The following SHLD2 variants were observed in gnomAD, a reference collection of about 807,000 sequenced individuals.
SHLD2 encodes RINN1-REV7-interacting novel NHEJ regulator 2.
Under a neutral mutation model 73.2 loss-of-function variants are expected in SHLD2, and 30 were observed. The ratio of observed to expected loss-of-function variants is 0.41; its 90% CI spans 0.31 to 0.56. The LOEUF (loss-of-function observed/expected upper bound fraction) is 0.56, where lower values mean the gene tolerates loss of function less well. SHLD2 is among the 20% of genes least tolerant of loss of function. The pLI, the probability that SHLD2 is intolerant of heterozygous loss-of-function variation, is 0.28. For synonymous variants in SHLD2, 285 were observed against 370.1 expected (o/e 0.77, Z 2.64); for missense variants, 745 against 1,055.9 (o/e 0.71, Z 4.08).
intron 2 of SHLD2, among the ~76,000 whole-genome samples, chr10:87,124,746 GTTTT>G (rs201784628): frequency 7.7e-6 from 1 of 129,526 alleles, no homozygotes; most frequent in African/African-American, 2.8e-5. Context: ...TAAAAAAATT[GTTTT>G]TTTTTTTTTT....
At chr10:87,132,482 A>G (rs954798157) in intron 2 of SHLD2, among the ~76,000 whole-genome samples, 2 of 152,216 alleles carry the variant, frequency 1.3e-5, no homozygotes, top group African/African-American at 4.8e-5. Flanking sequence ...TTAATATTAA[A>G]GATTATATTT....
chr10:87,108,482 C>A lies in SHLD2; in HGVS notation c.-6+11493C>A, dbSNP rs186695627. Among the ~76,000 whole-genome samples, 45 of 152,264 alleles carry A rather than the reference C, an allele frequency of 3.0e-4. No homozygotes were observed. The East Asian group carries it at 5.0e-3, about 17-fold the overall frequency. On this transcript the variant is annotated intron_variant, in intron 2 of 9. Coordinates refer to ENST00000298786, the MANE Select transcript of SHLD2 (RefSeq NM_001330112.2). The stretch of plus-strand genomic sequence containing the variant: ...GATTACAGGCTTGAGCCACCATGCC[C>A]AGCCTAGAGATGAGGTCTTGCTATG...
intron 6 of SHLD2, among the ~76,000 whole-genome samples, chr10:87,173,764 T>C (rs1847768958): frequency 6.6e-6 from 1 of 152,000 alleles, no homozygotes; most frequent in African/African-American, 2.4e-5. Context: ...GAAAAAAAAT[T>C]ACATTGTCAG....
At chr10:87,122,000 A>G (rs1230761561) in intron 2 of SHLD2, among the ~76,000 whole-genome samples, 2 of 151,864 alleles carry the variant, frequency 1.3e-5, no homozygotes, top group African/African-American at 2.4e-5. Flanking sequence ...CCTGACCTAC[A>G]GTGATCCGCC....
chr10:87,186,095 C>T (rs1242888569), intron 8 of SHLD2, among the ~76,000 whole-genome samples: 1 of 152,036 alleles, frequency 6.6e-6, no homozygotes, highest in African/African-American at 2.4e-5. Context: ...CCAGCACTTA[C>T]CACAGTCCAT....
chr10:87,139,782 G>T (rs1845050123), intron 2 of SHLD2, among the ~76,000 whole-genome samples: 1 of 152,136 alleles, frequency 6.6e-6, no homozygotes, highest in Non-Finnish European at 1.5e-5. Flanking sequence ...CTGAGAACAT[G>T]CCACTGTACT....
chr10:87,140,432 AAAAG>A (rs1344574263), intron 2 of SHLD2, among the ~76,000 whole-genome samples: 1 of 151,584 alleles, frequency 6.6e-6, no homozygotes, highest in Middle Eastern at 3.4e-3. Context: ...AAAAAAAAAA[AAAAG>A]AAAAAAATAA....
intron 2 of SHLD2, among the ~76,000 whole-genome samples, chr10:87,147,663 G>A (rs1263215485): frequency 6.6e-6 from 1 of 151,146 alleles, no homozygotes; most frequent in Non-Finnish European, 1.5e-5. Context: ...CCCTATTTTG[G>A]GGTGGGGAAT....
intron 2 of SHLD2, among the ~76,000 whole-genome samples, chr10:87,097,734 T>C (rs1337725400): frequency 6.6e-6 from 1 of 152,038 alleles, no homozygotes; most frequent in East Asian, 1.9e-4. Context: ...AAAACAGATG[T>C]TTTTATTTTT....
intron 8 of SHLD2, among the ~76,000 whole-genome samples, chr10:87,186,286 A>G (rs1176135041): frequency 2.0e-5 from 3 of 152,164 alleles, no homozygotes; most frequent in East Asian, 1.9e-4. Flanking sequence ...TTCCCCCGCT[A>G]ATGAGCCTGT....
chr10:87,148,394 A>G (rs1331818820), intron 2 of SHLD2, among the ~76,000 whole-genome samples: 1 of 152,216 alleles, frequency 6.6e-6, no homozygotes, highest in African/African-American at 2.4e-5. Context: ...AGGGATTGAT[A>G]AACAGTTTCA....
At chr10:87,158,565 T>C (rs1206802014) in intron 4 of SHLD2, among the ~76,000 whole-genome samples, 1 of 152,136 alleles carries the variant, frequency 6.6e-6, no homozygotes, top group Non-Finnish European at 1.5e-5. Flanking sequence ...TGATTAAGAA[T>C]CCTTGAGGTA....
chr10:87,107,492 G>A (rs1443141897), intron 2 of SHLD2, among the ~76,000 whole-genome samples: 1 of 152,218 alleles, frequency 6.6e-6, no homozygotes, highest in African/African-American at 2.4e-5. Flanking sequence ...TATATAGGGT[G>A]TTCAGAGAAG....
intron 2 of SHLD2, among the ~76,000 whole-genome samples, chr10:87,140,761 G>GA (rs2134224711): frequency 6.6e-6 from 1 of 151,942 alleles, no homozygotes; most frequent in South Asian, 2.1e-4. Flanking sequence ...TGGAGTTTGA[G>GA]ACCAGCCTGG....
At chr10:87,169,128 A>C (rs1847410074) in intron 4 of SHLD2, among the ~76,000 whole-genome samples, 1 of 152,206 alleles carries the variant, frequency 6.6e-6, no homozygotes, top group African/African-American at 2.4e-5. Flanking sequence ...TTTATGAATC[A>C]GGGACAAATA....
intron 4 of SHLD2, among the ~76,000 whole-genome samples, chr10:87,170,076 G>A (rs1847483112): frequency 6.6e-6 from 1 of 152,128 alleles, no homozygotes. Flanking sequence ...GAGGAAGAAC[G>A]GCAGAGGATA....
At chr10:87,134,972 C>T (rs945946131) in intron 2 of SHLD2, among the ~76,000 whole-genome samples, 3 of 152,184 alleles carry the variant, frequency 2.0e-5, no homozygotes, top group African/African-American at 4.8e-5. Flanking sequence ...GCAAACCAAA[C>T]TCTGACCGTC....
intron 2 of SHLD2, among the ~76,000 whole-genome samples, chr10:87,151,016 C>T (rs948880373): frequency 3.3e-5 from 5 of 151,904 alleles, no homozygotes; most frequent in African/African-American, 9.7e-5. Context: ...GTATAGACGG[C>T]GTTTCACGCT....
At chr10:87,096,115 A>G (rs936332758) in intron 1 of SHLD2, among the ~76,000 whole-genome samples, 2 of 152,168 alleles carry the variant, frequency 1.3e-5, no homozygotes, top group African/African-American at 4.8e-5. Context: ...ATCTCGGCTC[A>G]CTGCAGCTTC....
Sources: allele counts gnomAD v4.1 joint callset (sites outside exome capture counted in the v4.1 genomes callset), GRCh38; gene constraint gnomAD v4.1.1; transcripts MANE v1.5; gene names NCBI Gene and HGNC (gene_info 2026-07-23, HGNC 2026-07-21).